The following CEP85L variants were observed in gnomAD, a reference collection of about 807,000 sequenced individuals.
CEP85L encodes centrosomal protein 85L.
A neutral mutation model predicts 100.3 loss-of-function variants in CEP85L; 60 were observed. The ratio of observed to expected loss-of-function variants is 0.60; its 90% confidence interval spans 0.49 to 0.74. The LOEUF (loss-of-function observed/expected upper bound fraction) is 0.74, where lower values mean the gene tolerates loss of function less well. CEP85L is among the 30% of genes least tolerant of loss of function. The pLI is 0.00. For missense variants in CEP85L, 973 were observed against 936.2 expected (o/e 1.04, Z -0.51); for synonymous variants, 319 against 322.7 (o/e 0.99, Z 0.12).
At chr6:118,603,682 A>G (rs1771969559) in intron 2 of CEP85L, among the ~76,000 whole-genome samples, 1 of 152,238 alleles carries the variant, frequency 6.6e-6, no homozygotes, top group South Asian at 2.1e-4. Flanking sequence ...TCTTCAGTTT[A>G]GTCCATGTCG....
rs892703230 is a variant in CEP85L, at chr6:118,551,345, GACTA to G, written c.1020+14180_1020+14183del. Among the ~76,000 whole-genome samples the G allele has an allele frequency of 1.2e-3, 188 of 151,810 alleles. 1 individual carries two copies. Among genetic ancestry groups the G allele is most frequent in the African/African-American group, 4.5e-3 (185 of 41,482 alleles). On this transcript the variant is annotated intron_variant, in intron 3 of 12. Transcript: ENST00000368491. Reference sequence around the variant, plus strand: ...CAACCCCCGCACAAAAAAAAAGGTTGACTAACTCACTCACATTAATAGGGGGTAT... The same window carrying G: ...CAACCCCCGCACAAAAAAAAAGGTTGACTCACTCACATTAATAGGGGGTAT...
chr6:118,547,005 A>G (rs1778243799), intron 3 of CEP85L, among the ~76,000 whole-genome samples: 1 of 152,162 alleles, frequency 6.6e-6, no homozygotes, highest in Non-Finnish European at 1.5e-5. Context: ...TCTTTGGAAG[A>G]AGCCAAGATC....
At chr6:118,678,330 T>G (rs1484348631) in intron 1 of CEP85L, among the ~76,000 whole-genome samples, 1 of 152,202 alleles carries the variant, frequency 6.6e-6, no homozygotes, top group Non-Finnish European at 1.5e-5. Flanking sequence ...ATGCAAGATG[T>G]CTTTGGAAGG....
chr6:118,567,229 G>C (rs1779571900), intron 2 of CEP85L, among the ~76,000 whole-genome samples: 1 of 79,586 alleles, frequency 1.3e-5, no homozygotes, highest in African/African-American at 4.9e-5. Flanking sequence ...GTGTGTGTGT[G>C]TGTGTGTGTG....
At position 118,480,473 on chromosome 6, in the gene CEP85L, G is replaced by A. The variant is rs577126537; in HGVS notation, c.1786C>T (p.Arg596Cys). Residue 596 changes from arginine (R) to cysteine (C), a missense_variant, in exon 9 of 13, where the codon CGC (arginine) becomes TGC (cysteine). Coordinates refer to ENST00000368491, the MANE Select transcript of CEP85L (RefSeq NM_001042475.3). ...KVERCLEDGI[R>C]LPMLDAKQLQ... ...TGTTTTGCATCTAACATGGGAAGGC[G>A]GATTCCATCTTCAAGGCATCTTTCT... The A allele has an allele frequency of 2.1e-5, 34 of 1,610,680 alleles. No homozygotes were observed. The Admixed American group carries it at 2.7e-4, about 13-fold the overall frequency.
At chr6:118,492,463 T>C (rs186734117) in intron 5 of CEP85L, among the ~76,000 whole-genome samples, 32 of 152,242 alleles carry the variant, frequency 2.1e-4, no homozygotes, top group African/African-American at 7.5e-4. Context: ...AATTGTTGAA[T>C]GAATAAATGT....
intron 11 of CEP85L, 51 bp downstream of exon 11, chr6:118,470,486 A>G (rs1562170521): frequency 9.4e-7 from 1 of 1,062,158 alleles, no homozygotes; most frequent in East Asian, 2.7e-5. Context: ...TAAAATAAGC[A>G]TTTTATAGTG....
At position 118,622,673 on chromosome 6, in the gene CEP85L, C is replaced by T. The variant is rs1773529172; in HGVS notation, c.232+9780G>A. Among the ~76,000 whole-genome samples, 6 of 152,326 alleles carry T rather than the reference C, an allele frequency of 3.9e-5. No individual in the cohort carries two copies. The South Asian group carries it at 1.2e-3, about 32-fold the overall frequency. On this transcript the variant is annotated intron_variant, in intron 2 of 12. Transcript: ENST00000368491. Reference sequence around the variant, plus strand: ...AGATATGCTTATCTAGTTCTACATGCCCATGCTGCAATATGGAAAGAGAGG... The same window carrying T: ...AGATATGCTTATCTAGTTCTACATGTCCATGCTGCAATATGGAAAGAGAGG...
intron 1 of CEP85L, among the ~76,000 whole-genome samples, chr6:118,672,193 G>A (rs1206068871): frequency 6.6e-6 from 1 of 151,840 alleles, no homozygotes; most frequent in Non-Finnish European, 1.5e-5. Context: ...CATGCCACCA[G>A]GCCTAGCTAA....
Position 118,523,121 on chromosome 6 carries a change from C to T in CEP85L, c.1139+681G>A, listed in dbSNP as rs1776759562. Among the ~76,000 whole-genome samples the T allele has an allele frequency of 2.0e-5, 3 of 152,094 alleles. No homozygotes were observed. In the South Asian group the frequency reaches 6.2e-4, roughly 32 times the overall value. ...GAGCACTGGTTAAGAAAAAAAGCCTCCTGGAATTGCTTCCCAATTATCATG... is the reference window on the plus strand; with the variant it reads ...GAGCACTGGTTAAGAAAAAAAGCCTTCTGGAATTGCTTCCCAATTATCATG... On this transcript the variant is annotated intron_variant, in intron 4 of 12. Coordinates refer to ENST00000368491, the MANE Select transcript of CEP85L (RefSeq NM_001042475.3).
At chr6:118,652,750 G>A (rs1391738261), upstream of CEP85L, 5 of 1,540,730 alleles carry the variant, frequency 3.2e-6, no homozygotes, top group Non-Finnish European at 4.4e-6. Flanking sequence ...TAGTCTCCCT[G>A]TGGTAGACTT....
At chr6:118,522,257 G>A (rs944992907) in intron 4 of CEP85L, among the ~76,000 whole-genome samples, 1 of 152,148 alleles carries the variant, frequency 6.6e-6, no homozygotes, top group African/African-American at 2.4e-5. Context: ...CTACTTGGGA[G>A]GCTGAGGCAG....
intron 6 of CEP85L, 37 bp from the exon 7 acceptor site, chr6:118,483,895 A>C (rs377677236): frequency 2.5e-6 from 4 of 1,581,250 alleles, no homozygotes; most frequent in Non-Finnish European, 1.7e-6. Context: ...AGTAGTTTTC[A>C]GTCATTAAAA....
At chr6:118,566,592 T>C (rs1481581654) in intron 2 of CEP85L, among the ~76,000 whole-genome samples, 1 of 152,150 alleles carries the variant, frequency 6.6e-6, no homozygotes, top group Admixed American at 6.5e-5. Flanking sequence ...TAATTTTTTG[T>C]ATTTTTAGTA....
chr6:118,703,110 C>T (rs1362407286), intron 1 of CEP85L, among the ~76,000 whole-genome samples: 1 of 151,882 alleles, frequency 6.6e-6, no homozygotes, highest in African/African-American at 2.4e-5. Context: ...TTTGTGACTT[C>T]TGAATAAGAC....
chr6:118,692,852 CA>C (rs1420634788), intron 1 of CEP85L, among the ~76,000 whole-genome samples: 1 of 113,682 alleles, frequency 8.8e-6, no homozygotes, highest in Non-Finnish European at 2.0e-5. Context: ...AAGGTAGTTC[CA>C]CTAAAGCTTA....
intron 3 of CEP85L, among the ~76,000 whole-genome samples, chr6:118,554,928 C>A (rs1050152242): frequency 1.3e-5 from 2 of 152,154 alleles, no homozygotes; most frequent in Non-Finnish European, 2.9e-5. Flanking sequence ...CCAGTGTCAA[C>A]GTAGGGGATG....
At chr6:118,484,186 C>T (rs1292316993) in intron 6 of CEP85L, among the ~76,000 whole-genome samples, 4 of 152,088 alleles carry the variant, frequency 2.6e-5, no homozygotes, top group African/African-American at 4.8e-5. Flanking sequence ...CGTGGTGGCA[C>T]GTGCCTGTAG....
intron 1 of CEP85L, among the ~76,000 whole-genome samples, chr6:118,666,274 G>A (rs1196354966): frequency 6.6e-6 from 1 of 152,134 alleles, no homozygotes; most frequent in African/African-American, 2.4e-5. Context: ...ACCTATACAG[G>A]TGTTTTCCTA....
Sources: gnomAD v4.1 joint callset for allele counts (sites outside exome capture counted in the v4.1 genomes callset) on GRCh38, gnomAD v4.1.1 for gene constraint, MANE v1.5 for transcripts, NCBI Gene and HGNC (gene_info 2026-07-23, HGNC 2026-07-21) for gene names.